The following KAT6B variants were observed in gnomAD, a reference collection of about 807,000 sequenced individuals.
KAT6B encodes the protein lysine acetyltransferase 6B, also known as histone acetyltransferase KAT6B.
KAT6B carries 10 observed loss-of-function variants against 187.5 expected under a neutral mutation model. That is an observed-to-expected ratio of 0.05 (90% confidence interval 0.03 to 0.09). KAT6B has a LOEUF of 0.09. Ranked by LOEUF, KAT6B falls within the 10% of genes least tolerant of loss-of-function variation. KAT6B has a pLI of 1.00. For missense variants in KAT6B, 1,952 were observed against 2,558.9 expected (o/e 0.76, Z 5.12); for synonymous variants, 861 against 926.8 (o/e 0.93, Z 1.29).
At chr10:74,838,442 G>A (rs929925933) in intron 1 of KAT6B, among the ~76,000 whole-genome samples, 4 of 152,152 alleles carry the variant, frequency 2.6e-5, no homozygotes, top group African/African-American at 4.8e-5. Flanking sequence ...ACAGGTCTGG[G>A]CTTAGGGATG....
At chr10:74,993,847 A>G (rs1253056021) in intron 13 of KAT6B, among the ~76,000 whole-genome samples, 1 of 152,170 alleles carries the variant, frequency 6.6e-6, no homozygotes, top group East Asian at 1.9e-4. Context: ...TTTTGGCAGG[A>G]ATACCATAGA....
chr10:74,878,497 G>C (rs1002894584), intron 3 of KAT6B, among the ~76,000 whole-genome samples: 10 of 151,734 alleles, frequency 6.6e-5, no homozygotes, highest in Non-Finnish European at 1.0e-4. Context: ...GCATGTGCCT[G>C]TAATCCCAGC....
rs1212369153 is a variant in KAT6B, at chr10:75,029,715, C to T, written c.4891C>T (p.Pro1631Ser). Residue 1631 changes from proline to serine, a missense_variant, in exon 18 of 18, where the codon CCA becomes TCA. Pro to Ser is a moderately conservative substitution (Grantham distance 74). Transcript: ENST00000287239. The surrounding 1 kb of genome is among the most constrained non-coding windows in gnomAD (Gnocchi z 6.2). The stretch of plus-strand genomic sequence containing the variant: ...GGAAAACAGCTACGCCCAAATCAGC[C>T]CAGATCAAAGTGCCATCTCAGTGCC... ...ALENSYAQIS[P>S]DQSAISVPSL... 1.9e-6 allele frequency: 3 copies of T among 1,614,160 alleles called. No homozygotes were observed. Among genetic ancestry groups the T allele is most frequent in the Non-Finnish European group, 2.5e-6 (3 of 1,180,032 alleles).
Position 75,013,570 on chromosome 10 carries a change from C to A in KAT6B, c.2630-7012C>A, listed in dbSNP as rs542839152. ...CTGTCTCTGTTGTTTCCCTTCTGTC[C>A]AAATTTTATTTCTTTCCCCTACCTT... On this transcript the variant is annotated intron_variant, in intron 13 of 17. Coordinates refer to ENST00000287239, the MANE Select transcript of KAT6B (RefSeq NM_012330.4). 3.7e-4 allele frequency among the ~76,000 whole-genome samples: 57 copies of A among 152,102 alleles called. 1 individual carries two copies. The highest frequency in any genetic ancestry group is 1.6e-4 in the Non-Finnish European group (11 of 68,008).
chr10:74,842,322 A>G (rs1270048032), intron 2 of KAT6B, among the ~76,000 whole-genome samples: 1 of 152,158 alleles, frequency 6.6e-6, no homozygotes, highest in Non-Finnish European at 1.5e-5. Flanking sequence ...TAATTTTGTT[A>G]ATTTCAATAA....
intron 4 of KAT6B, 28 bp from the exon 5 acceptor site, chr10:74,969,632 T>A (rs778809479): frequency 7.4e-7 from 1 of 1,355,264 alleles, no homozygotes. Context: ...ACCATTCCCA[T>A]CAAGCAATTT....
At chr10:74,982,285 G>A (rs1842559269) in intron 11 of KAT6B, 2 of 314,236 alleles carry the variant, frequency 6.4e-6, no homozygotes, top group Non-Finnish European at 1.2e-5. Flanking sequence ...TGTCTGGCAG[G>A]TGCTCACTCT....
intron 3 of KAT6B, among the ~76,000 whole-genome samples, chr10:74,844,667 A>G (rs987543825): frequency 3.3e-5 from 5 of 152,136 alleles, no homozygotes; most frequent in Non-Finnish European, 7.4e-5. Context: ...TGTTATTTCT[A>G]TAGTATTTAT....
chr10:74,982,184 T>A (rs1842553409), intron 11 of KAT6B: 1 of 443,146 alleles, frequency 2.3e-6, no homozygotes, highest in South Asian at 2.2e-5. Flanking sequence ...ACACTAGATA[T>A]ATTCACCATG....
chr10:74,902,803 A>G (rs1396149484), intron 3 of KAT6B, among the ~76,000 whole-genome samples: 1 of 152,182 alleles, frequency 6.6e-6, no homozygotes, highest in Non-Finnish European at 1.5e-5. Flanking sequence ...GGCATCATTA[A>G]TCATGTTATA....
intron 3 of KAT6B, among the ~76,000 whole-genome samples, chr10:74,848,865 A>G (rs1010217820): frequency 6.6e-6 from 1 of 152,196 alleles, no homozygotes; most frequent in Admixed American, 6.5e-5. Context: ...ATTTGAAAAG[A>G]TTATCATTGT....
chr10:74,877,943 G>A (rs1190505512), intron 3 of KAT6B, among the ~76,000 whole-genome samples: 4 of 150,292 alleles, frequency 2.7e-5, no homozygotes, highest in African/African-American at 9.8e-5. Flanking sequence ...AAAAAAAAAA[G>A]CATGCTGGTT....
chr10:74,958,004 C>A (rs1026165470), intron 3 of KAT6B, among the ~76,000 whole-genome samples: 22 of 152,202 alleles, frequency 1.4e-4, no homozygotes, highest in African/African-American at 5.1e-4. Context: ...GCATAGCTAC[C>A]TCAGAACGTA....
At chr10:74,942,826 CTAAA>C (rs1357759804) in intron 3 of KAT6B, among the ~76,000 whole-genome samples, 2 of 114,976 alleles carry the variant, frequency 1.7e-5, no homozygotes, top group East Asian at 6.3e-4. Flanking sequence ...CAGTGAAAGA[CTAAA>C]TACTTTCTTC....
chr10:74,854,889 G>A (rs1340099385), intron 3 of KAT6B, among the ~76,000 whole-genome samples: 1 of 152,180 alleles, frequency 6.6e-6, no homozygotes, highest in Non-Finnish European at 1.5e-5. Context: ...TTACAGAAGA[G>A]CAACCTAACT....
At chr10:74,877,524 G>A (rs16931794) in intron 3 of KAT6B, among the ~76,000 whole-genome samples, 3,533 of 152,210 alleles carry the variant, frequency 0.023, 137 homozygotes, top group African/African-American at 0.08. Context: ...AATTTCAGCT[G>A]TTGAGGATGT....
intron 3 of KAT6B, among the ~76,000 whole-genome samples, chr10:74,953,437 C>A (rs557174991): frequency 6.6e-6 from 1 of 152,250 alleles, no homozygotes; most frequent in South Asian, 2.1e-4. Context: ...CTTTAACAAC[C>A]CGAGAGCTAG....
intron 13 of KAT6B, among the ~76,000 whole-genome samples, chr10:75,005,173 T>A (rs183315432): frequency 3.2e-4 from 48 of 152,196 alleles, no homozygotes; most frequent in African/African-American, 1.1e-3. Context: ...GATAAAAGTT[T>A]GCTTCCACTT....
In KAT6B at chr10:74,946,253, G is replaced by A. The variant is rs376256470; in HGVS notation, c.622-13717G>A. ...TAATAATATTTCCCATTATTTTACC[G>A]TCTTAATGGTCTGTAGTTATATCTC... is the stretch of plus-strand genomic sequence containing the variant. On this transcript the variant is annotated intron_variant, in intron 3 of 17. Transcript: ENST00000287239. 5.7e-4 allele frequency among the ~76,000 whole-genome samples: 87 copies of A among 152,146 alleles called. 7 individuals carry two copies. The highest frequency in any genetic ancestry group is 1.8e-3 in the African/African-American group (74 of 41,486).
Sources: allele counts gnomAD v4.1 joint callset (sites outside exome capture counted in the v4.1 genomes callset), GRCh38; gene constraint gnomAD v4.1.1; non-coding constraint Gnocchi (gnomAD v3.1); transcripts MANE v1.5; gene names NCBI Gene and HGNC (gene_info 2026-07-23, HGNC 2026-07-21).